WASHC3: variants seen among roughly 807,000 people sequenced by gnomAD.
WASHC3 encodes the protein WASH complex subunit CCDC53.
A neutral mutation model predicts 26.1 loss-of-function variants in WASHC3; 24 were observed. That is an observed-to-expected ratio of 0.92 (90% CI 0.66 to 1.29). WASHC3 has a LOEUF of 1.29. Ranked by LOEUF, WASHC3 falls within the 50% of genes most tolerant of loss-of-function variation. The pLI, the probability that WASHC3 is intolerant of heterozygous loss-of-function variation, is 0.00. For synonymous variants in WASHC3, 77 were observed against 75.7 expected (o/e 1.02, Z -0.09); for missense variants, 214 against 229.6 (o/e 0.93, Z 0.44).
chr12:102,046,054 C>T lies in WASHC3; in HGVS notation c.216G>A (p.Lys72=), dbSNP rs887591701. Residue 72 remains lysine, a splice_region_variant and synonymous_variant, in exon 3 of 7, where the codon AAG becomes AAA. Coordinates refer to ENST00000240079, the MANE Select transcript of WASHC3 (RefSeq NM_016053.4). The part of the protein sequence containing the change: ...IETTLNILDA[K]LSSIPGLDDV... ...CTACAAATTATTGAGAAATACCAACCTTTGCATCTAAAATATTGAGAGTTG... is the reference window on the plus strand; with the variant it reads ...CTACAAATTATTGAGAAATACCAACTTTTGCATCTAAAATATTGAGAGTTG... The T allele has an allele frequency of 3.2e-6, 5 of 1,568,994 alleles. No homozygotes were observed. Among genetic ancestry groups the T allele is most frequent in the Non-Finnish European group, 3.5e-6 (4 of 1,146,388 alleles).
intron 2 of WASHC3, among the ~76,000 whole-genome samples, chr12:102,051,800 G>C (rs943618088): frequency 6.6e-6 from 1 of 152,186 alleles, no homozygotes; most frequent in Non-Finnish European, 1.5e-5. Context: ...GTATGAGTGG[G>C]ATAACTAAAC....
intron 2 of WASHC3, 113 bp downstream of exon 2, chr12:102,061,135 A>G: frequency 1.5e-6 from 1 of 688,056 alleles, no homozygotes; most frequent in Non-Finnish European, 2.6e-6. Context: ...TTGGGTGATG[A>G]GAGGTCACGG....
chr12:102,039,133 T>TTC (rs1877819188), intron 5 of WASHC3, among the ~76,000 whole-genome samples: 1 of 146,198 alleles, frequency 6.8e-6, no homozygotes, highest in Non-Finnish European at 1.5e-5. Flanking sequence ...GTTAGGTTTT[T>TTC]TTTTTTTTTT....
chr12:102,038,946 C>CATT (rs533868936), intron 5 of WASHC3, among the ~76,000 whole-genome samples: 62 of 151,170 alleles, frequency 4.1e-4, no homozygotes, highest in East Asian at 9.7e-4. Context: ...TTTACAAAAG[C>CATT]ATTATTATTA....
chr12:102,061,865 C>A, intron 1 of WASHC3, 47 bp downstream of exon 1: 1 of 1,522,918 alleles, frequency 6.6e-7, no homozygotes, highest in Non-Finnish European at 9.0e-7. Context: ...GCGTCTTCCC[C>A]ATCCTCCTCC....
intron 5 of WASHC3, among the ~76,000 whole-genome samples, chr12:102,035,689 G>A (rs572634192): frequency 3.9e-5 from 6 of 152,184 alleles, no homozygotes; most frequent in Non-Finnish European, 8.8e-5. Context: ...AACAAATATT[G>A]ATTGAGCACC....
rs560903741 is a variant in WASHC3, at chr12:102,051,040, T to C, written c.151-4921A>G. ...AATATGCAGAAAGTTTTTGCAAAGT[T>C]GAGTTCTTCACAGAATGCAGTTTTA... is the stretch of plus-strand genomic sequence containing the variant. On this transcript the variant is annotated intron_variant, in intron 2 of 6. Coordinates refer to ENST00000240079, the MANE Select transcript of WASHC3 (RefSeq NM_016053.4). Among the ~76,000 whole-genome samples, 6 of 152,368 alleles carry C rather than the reference T, an allele frequency of 3.9e-5. No homozygotes were observed. In the East Asian group the frequency reaches 7.7e-4, roughly 20 times the overall value.
intron 6 of WASHC3, among the ~76,000 whole-genome samples, chr12:102,021,091 AAAAC>A (rs1282652094): frequency 2.0e-5 from 3 of 152,114 alleles, no homozygotes; most frequent in Non-Finnish European, 4.4e-5. Flanking sequence ...TCAAAAAACA[AAAAC>A]AAAAACAAAA....
intron 6 of WASHC3, among the ~76,000 whole-genome samples, chr12:102,015,893 T>C (rs531618984): frequency 4.9e-4 from 75 of 152,210 alleles, no homozygotes; most frequent in Non-Finnish European, 8.2e-4. Context: ...TACTTTCTGT[T>C]ATTTTATTTT....
chr12:102,048,379 T>G (rs1878249594), intron 2 of WASHC3: 1 of 152,078 alleles, frequency 6.6e-6, no homozygotes, highest in Middle Eastern at 3.1e-3. Flanking sequence ...ATGGTCAACA[T>G]GGTGAAACCC....
chr12:102,017,587 G>A (rs1385149320), intron 6 of WASHC3: 2 of 217,464 alleles, frequency 9.2e-6, no homozygotes, highest in African/African-American at 4.8e-5. Flanking sequence ...GTTAGTTAGA[G>A]TGTAAAGTAC....
At position 102,061,924 on chromosome 12, in the gene WASHC3, T is replaced by C; in HGVS notation, c.39A>G (p.Ile13Met). The C allele has an allele frequency of 6.2e-7, 1 of 1,600,400 alleles. No individual in the cohort carries two copies. Among genetic ancestry groups the C allele is most frequent in the South Asian group, 1.1e-5 (1 of 88,654 alleles). ...EDGLPLMGSG[I>M]DLTKVPAIQQ... ...GTCTTTTACAAACCTTGGTCAGGTC[T>C]ATGCCTGACCCCATGAGAGGAAGCC... Residue 13 changes from isoleucine (I) to methionine (M), a missense_variant, in exon 1 of 7, where the codon ATA becomes ATG. Ile to Met is a conservative substitution (Grantham distance 10). Coordinates refer to ENST00000240079, the MANE Select transcript of WASHC3 (RefSeq NM_016053.4).
intron 6 of WASHC3, chr12:102,017,731 G>A: frequency 2.4e-6 from 1 of 412,164 alleles, no homozygotes; most frequent in Non-Finnish European, 4.7e-6. Context: ...TGCAATGTAT[G>A]AGGGTTCCAA....
chr12:102,022,336 G>A (rs920886173), intron 6 of WASHC3, among the ~76,000 whole-genome samples: 3 of 152,156 alleles, frequency 2.0e-5, no homozygotes, highest in African/African-American at 7.2e-5. Context: ...CCTAGAATTT[G>A]CTACATATTC....
At chr12:102,038,910 G>C (rs1877796253) in intron 5 of WASHC3, among the ~76,000 whole-genome samples, 1 of 151,870 alleles carries the variant, frequency 6.6e-6, no homozygotes, top group Admixed American at 6.6e-5. Context: ...TATTAGTATT[G>C]TGCTTCTTTT....
At chr12:102,060,985 AGATTTCCT>A (rs1878786454) in intron 2 of WASHC3, among the ~76,000 whole-genome samples, 1 of 149,180 alleles carries the variant, frequency 6.7e-6, no homozygotes, top group African/African-American at 2.5e-5. Flanking sequence ...AAAAAAAATT[AGATTTCCT>A]ATTGTTCCCT....
At chr12:102,058,857 A>C (rs1209073477) in intron 2 of WASHC3, among the ~76,000 whole-genome samples, 1 of 152,324 alleles carries the variant, frequency 6.6e-6, no homozygotes, top group East Asian at 1.9e-4. Context: ...ACAATGGAAT[A>C]CTATTTAGCC....
chr12:102,060,597 A>C (rs893407062), intron 2 of WASHC3, among the ~76,000 whole-genome samples: 2 of 152,238 alleles, frequency 1.3e-5, no homozygotes, highest in African/African-American at 4.8e-5. Flanking sequence ...AAATAAATTT[A>C]AACAATGTGG....
rs201521376 is a variant in WASHC3, at chr12:102,061,289, T to G, written c.109A>C (p.Thr37Pro). 66 of 1,613,808 alleles carry G rather than the reference T, an allele frequency of 4.1e-5. No individual in the cohort carries two copies. The highest frequency in any genetic ancestry group is 7.6e-6 in the Non-Finnish European group (9 of 1,179,838). ...VAFLNQFVVH[T>P]VQFLNRFSTV... is the part of the protein sequence containing the mutation. ...GAAAAGCGGTTGAGGAACTGTACAGTGTGCACCACAAATTGGTTTAGAAAA... is the reference window on the plus strand; with the variant it reads ...GAAAAGCGGTTGAGGAACTGTACAGGGTGCACCACAAATTGGTTTAGAAAA... The change falls in exon 2 of 7, where the codon ACT becomes CCT. Residue 37 changes from threonine to proline, a missense_variant. Thr to Pro is a conservative substitution (Grantham distance 38). Coordinates refer to ENST00000240079, the MANE Select transcript of WASHC3 (RefSeq NM_016053.4).
Sources: gnomAD v4.1 joint callset for allele counts (sites outside exome capture counted in the v4.1 genomes callset) on GRCh38, gnomAD v4.1.1 for gene constraint, MANE v1.5 for transcripts, NCBI Gene and HGNC (gene_info 2026-07-23, HGNC 2026-07-21) for gene names.